FHOD3: variants seen among roughly 807,000 people sequenced by gnomAD.
FHOD3 encodes the protein FH1/FH2 domain-containing protein 3.
Under a neutral mutation model 173.0 loss-of-function variants are expected in FHOD3, and 90 were observed. That is an observed-to-expected ratio of 0.52 (90% CI 0.44 to 0.62). The LOEUF (loss-of-function observed/expected upper bound fraction) is 0.62. Ranked by LOEUF, FHOD3 falls within the 20% of genes least tolerant of loss-of-function variation. The pLI, the probability that FHOD3 is intolerant of heterozygous loss-of-function variation, is 0.00. For synonymous variants in FHOD3, 828 were observed against 823.0 expected (o/e 1.01, Z -0.10); for missense variants, 1,945 against 2,034.7 (o/e 0.96, Z 0.85).
chr18:36,387,913 C>T (rs564240852), intron 3 of FHOD3, among the ~76,000 whole-genome samples: 13 of 152,068 alleles, frequency 8.5e-5, no homozygotes, highest in African/African-American at 3.1e-4. Flanking sequence ...CTGTTCCTCT[C>T]TTGTGGAGAG....
intron 5 of FHOD3, among the ~76,000 whole-genome samples, chr18:36,516,620 C>G (rs2055995444): frequency 6.6e-6 from 1 of 152,202 alleles, no homozygotes; most frequent in Admixed American, 6.5e-5. Context: ...TGGCACATGC[C>G]TGTCATCTCC....
rs1295323048 is a variant in FHOD3, at chr18:36,766,098, C to A, written c.4625-3167C>A. On this transcript the variant is annotated intron_variant, in intron 27 of 28. Transcript: ENST00000590592. Reference sequence around the variant, plus strand: ...ACAGAGAAGAAAGATACATTGCCTCCTATGGTGCAATGATAATAATGATGG... The same window carrying A: ...ACAGAGAAGAAAGATACATTGCCTCATATGGTGCAATGATAATAATGATGG... 2.0e-5 allele frequency among the ~76,000 whole-genome samples: 3 copies of A among 151,850 alleles called. No individual in the cohort carries two copies. In the East Asian group the frequency reaches 5.8e-4, roughly 29 times the overall value.
At chr18:36,490,537 A>T (rs957188825) in intron 3 of FHOD3, among the ~76,000 whole-genome samples, 1 of 152,094 alleles carries the variant, frequency 6.6e-6, no homozygotes, top group Non-Finnish European at 1.5e-5. Flanking sequence ...CACATACATA[A>T]TTTTATGACT....
chr18:36,332,861 C>T lies in FHOD3; in HGVS notation c.166-22678C>T, dbSNP rs112259016. Among the ~76,000 whole-genome samples the T allele has an allele frequency of 8.6e-3, 1,309 of 152,350 alleles. 14 individuals carry two copies. The highest frequency in any genetic ancestry group is 0.029 in the African/African-American group (1,219 of 41,588). On this transcript the variant is annotated intron_variant, in intron 1 of 28. Coordinates refer to ENST00000590592, the MANE Select transcript of FHOD3 (RefSeq NM_001281740.3). ...TTGATGAGAATCAGGGTTGTGGCAT[C>T]ATCTTCCCAATCCCTTACCCCCTGC...
chr18:36,652,482 T>C (rs1366368231), intron 11 of FHOD3, 88 bp from the exon 12 acceptor site: 6 of 1,425,418 alleles, frequency 4.2e-6, no homozygotes, highest in Non-Finnish European at 4.6e-6. Context: ...AGAAGTGGCT[T>C]TTTGCCTGTC....
chr18:36,752,232 G>C (rs2042432611), intron 24 of FHOD3, among the ~76,000 whole-genome samples: 1 of 152,130 alleles, frequency 6.6e-6, no homozygotes, highest in Non-Finnish European at 1.5e-5. Flanking sequence ...TACAATTTAA[G>C]ATGAGATTTG....
rs369206677 is a variant in FHOD3 at position 36,718,578 on chromosome 18, C to T, written c.3280C>T (p.Arg1094Trp). 3.1e-6 allele frequency: 5 copies of T among 1,614,164 alleles called. No individual in the cohort carries two copies. Among genetic ancestry groups the T allele is most frequent in the Middle Eastern group, 1.6e-4 (1 of 6,062 alleles). Reference sequence around the variant, plus strand: ...CATCCGTTTGTTCTGGAATGAAGTTCGGCCTTTTGACTGGCCATGTAAAAA... The same window carrying T: ...CATCCGTTTGTTCTGGAATGAAGTTTGGCCTTTTGACTGGCCATGTAAAAA... Reference protein sequence around the residue: ...KTIRLFWNEVRPFDWPCKNNR... With the variant: ...KTIRLFWNEVWPFDWPCKNNR... The change falls in exon 19 of 29, where the codon CGG (arginine) becomes TGG (tryptophan). Residue 1094 changes from arginine (R) to tryptophan (W), a missense_variant. Arg to Trp is a moderately radical substitution (Grantham distance 101). Around this residue, in one of 5 missense-constraint regions of FHOD3, gnomAD observed 231 missense variants for 321.9 expected, o/e 0.72. Coordinates refer to ENST00000590592, the MANE Select transcript of FHOD3 (RefSeq NM_001281740.3).
intron 18 of FHOD3, among the ~76,000 whole-genome samples, chr18:36,717,412 G>A (rs1463549677): frequency 6.6e-6 from 1 of 152,154 alleles, no homozygotes; most frequent in Non-Finnish European, 1.5e-5. Context: ...TTTAGAGTAG[G>A]GGAGAGAAAC....
chr18:36,377,183 C>T (rs1293428291), intron 3 of FHOD3, among the ~76,000 whole-genome samples: 1 of 152,212 alleles, frequency 6.6e-6, no homozygotes. Flanking sequence ...ACTGTCCCCT[C>T]TCCTTTCTTC....
At chr18:36,551,937 T>A (rs1407360071) in intron 5 of FHOD3, among the ~76,000 whole-genome samples, 2 of 152,222 alleles carry the variant, frequency 1.3e-5, no homozygotes, top group African/African-American at 4.8e-5. Flanking sequence ...GCGTGATGCC[T>A]CCAGCTTTGT....
At chr18:36,760,570 A>C in intron 26 of FHOD3, 38 bp from the exon 27 acceptor site, 3 of 1,482,868 alleles carry the variant, frequency 2.0e-6, no homozygotes, top group African/African-American at 1.4e-5. Context: ...CTTTTTGGGG[A>C]GTCTCCCTCA....
chr18:36,472,126 G>A (rs1252038208), intron 3 of FHOD3, among the ~76,000 whole-genome samples: 1 of 152,102 alleles, frequency 6.6e-6, no homozygotes, highest in Non-Finnish European at 1.5e-5. Flanking sequence ...ATACTTTGCT[G>A]TAATCTTAAA....
chr18:36,708,395 C>T (rs1415990106), intron 17 of FHOD3, among the ~76,000 whole-genome samples: 3 of 152,188 alleles, frequency 2.0e-5, no homozygotes, highest in Admixed American at 6.5e-5. Context: ...TTTCTCTTTC[C>T]CTAAACAGGC....
At chr18:36,579,266 C>G (rs541451156) in intron 6 of FHOD3, among the ~76,000 whole-genome samples, 1 of 152,266 alleles carries the variant, frequency 6.6e-6, no homozygotes, top group Admixed American at 6.5e-5. Flanking sequence ...GTACATGACA[C>G]AGCTGAATTA....
chr18:36,600,286 C>T (rs2031175250), intron 7 of FHOD3, among the ~76,000 whole-genome samples: 3 of 151,518 alleles, frequency 2.0e-5, no homozygotes, highest in Admixed American at 2.0e-4. Context: ...CACACACACA[C>T]ACATATGCAC....
intron 1 of FHOD3, among the ~76,000 whole-genome samples, chr18:36,337,306 C>A (rs1298856596): frequency 6.6e-6 from 1 of 152,180 alleles, no homozygotes; most frequent in African/African-American, 2.4e-5. Flanking sequence ...ACTTCCTGCA[C>A]AGTGAATACG....
At chr18:36,462,090 C>T (rs2052588730) in intron 3 of FHOD3, among the ~76,000 whole-genome samples, 2 of 152,078 alleles carry the variant, frequency 1.3e-5, no homozygotes, top group African/African-American at 4.8e-5. Flanking sequence ...ATTACAGATG[C>T]TTTATGATTT....
intron 3 of FHOD3, among the ~76,000 whole-genome samples, chr18:36,382,289 C>T (rs974127958): frequency 6.6e-6 from 1 of 152,144 alleles, no homozygotes; most frequent in Non-Finnish European, 1.5e-5. Context: ...GGCTGTGGCT[C>T]TTCCTGTCAC....
chr18:36,465,388 G>A (rs2052854006), intron 3 of FHOD3, among the ~76,000 whole-genome samples: 1 of 152,134 alleles, frequency 6.6e-6, no homozygotes. Context: ...GATGTTCGTG[G>A]CTGCCTCCAG....
Sources: gnomAD v4.1 joint callset for allele counts (sites outside exome capture counted in the v4.1 genomes callset) on GRCh38, gnomAD v4.1.1 for gene constraint, gnomAD v4.1.1 regional missense constraint, MANE v1.5 for transcripts, NCBI Gene and HGNC (gene_info 2026-07-23, HGNC 2026-07-21) for gene names.